The following TEX10 variants were observed in gnomAD, a reference collection of about 807,000 sequenced individuals.
The protein encoded by TEX10 is testis expressed 10.
Under a neutral mutation model 104.4 loss-of-function variants are expected in TEX10, and 24 were observed. The ratio of observed to expected loss-of-function variants is 0.23; its 90% CI spans 0.17 to 0.32. TEX10 has a LOEUF of 0.32. Ranked by LOEUF, TEX10 falls within the 10% of genes least tolerant of loss-of-function variation. TEX10 has a pLI of 1.00. For missense variants in TEX10, 921 were observed against 1,083.9 expected (o/e 0.85, Z 2.11); for synonymous variants, 396 against 393.4 (o/e 1.01, Z -0.08).
At chr9:100,352,629 G>A in intron 1 of TEX10, 143 bp downstream of exon 1, 2 of 1,463,252 alleles carry the variant, frequency 1.4e-6, no homozygotes, top group African/African-American at 1.4e-5. Flanking sequence ...CAGCTCGGAG[G>A]GACGCCGCGG....
At chr9:100,316,215 T>A (rs1834414771) in intron 11 of TEX10, among the ~76,000 whole-genome samples, 2 of 152,174 alleles carry the variant, frequency 1.3e-5, no homozygotes, top group African/African-American at 4.8e-5. Flanking sequence ...CAAGAATGGT[T>A]CAGTATACAC....
chr9:100,340,017 C>T (rs1173291967), intron 5 of TEX10, among the ~76,000 whole-genome samples: 2 of 152,020 alleles, frequency 1.3e-5, no homozygotes, highest in Non-Finnish European at 2.9e-5. Context: ...TTTACATAAG[C>T]TGATACATTC....
At chr9:100,302,344 A>C in intron 14 of TEX10, 40 bp from the exon 15 acceptor site, 1 of 1,411,530 alleles carries the variant, frequency 7.1e-7, no homozygotes, top group Non-Finnish European at 1.0e-6. Context: ...ACTGCACCCA[A>C]ATCACTATGC....
chr9:100,322,754 T>G (rs557293302), intron 9 of TEX10, among the ~76,000 whole-genome samples: 7 of 152,120 alleles, frequency 4.6e-5, no homozygotes, highest in African/African-American at 1.7e-4. Flanking sequence ...TAGCTGGGAT[T>G]ATAGACGTGC....
intron 4 of TEX10, 67 bp from the exon 5 acceptor site, chr9:100,340,436 G>A (rs1171551727): frequency 1.1e-6 from 1 of 923,038 alleles, no homozygotes. Context: ...AAAACTTGAA[G>A]AGAAATGACA....
chr9:100,348,127 G>A (rs558626314), intron 2 of TEX10, among the ~76,000 whole-genome samples: 1 of 152,186 alleles, frequency 6.6e-6, no homozygotes, highest in Non-Finnish European at 1.5e-5. Context: ...ATACAACCTG[G>A]AGGAACCTCC....
At chr9:100,344,781 G>A (rs1054889408) in intron 4 of TEX10, among the ~76,000 whole-genome samples, 2 of 152,212 alleles carry the variant, frequency 1.3e-5, no homozygotes, top group Admixed American at 6.5e-5. Context: ...AGGAGGTGGA[G>A]GTCTCAGTGA....
At position 100,329,210 on chromosome 9, in the gene TEX10, C is replaced by T; in HGVS notation, c.1555G>A (p.Val519Ile). The change falls in exon 7 of 15, where the codon GTT (valine) becomes ATT (isoleucine). Residue 519 changes from valine to isoleucine, a missense_variant. Transcript: ENST00000374902. ...AAAAACTTCAATAACAAAGTCCGAA[C>T]TGGAAGGATAAGGCCCCTCTGCTGA... The part of the protein sequence containing the change: ...LYQQRGLILP[V>I]RTLLLKFFSK... 6.2e-7 allele frequency: 1 copy of T among 1,613,036 alleles called. No individual in the cohort carries two copies. The highest frequency in any genetic ancestry group is 8.5e-7 in the Non-Finnish European group (1 of 1,179,670).
At chr9:100,346,544 T>C in intron 3 of TEX10, 150 bp downstream of exon 3, 1 of 976,652 alleles carries the variant, frequency 1.0e-6, no homozygotes, top group African/African-American at 1.6e-5. Context: ...TACAAATAAC[T>C]CTTCCCATCA....
chr9:100,346,597 A>C lies in TEX10; in HGVS notation c.893+97T>G, dbSNP rs1351422494. On this transcript the variant is annotated intron_variant, in intron 3 of 14. Coordinates refer to ENST00000374902, the MANE Select transcript of TEX10 (RefSeq NM_017746.4). ...ATGAGTAACTATATGAAAACTATGAAAGACAACTGCATGTCTTCCCACCAA... is the reference window on the plus strand; with the variant it reads ...ATGAGTAACTATATGAAAACTATGACAGACAACTGCATGTCTTCCCACCAA... 8 of 1,310,508 alleles carry C rather than the reference A, an allele frequency of 6.1e-6. No individual in the cohort carries two copies. In the East Asian group the frequency reaches 1.9e-4, roughly 30 times the overall value. 81.2% of individuals were successfully genotyped at this position (1,310,508 alleles called of 1,614,324 possible).
chr9:100,346,219 T>C lies in TEX10; in HGVS notation c.990A>G (p.Glu330=). ...FIEIIIPLLI[E]CWVEAVPPQL... is the part of the protein sequence containing the mutation. ...GTGGAGGTACAGCTTCAACCCAGCA[T>C]TCAATTAGCAATGGAATTATTATCT... The change falls in exon 4 of 15, where the codon GAA becomes GAG. Residue 330 remains glutamate, a synonymous_variant. Transcript: ENST00000374902. 1 of 1,614,022 alleles carries C rather than the reference T, an allele frequency of 6.2e-7. No homozygotes were observed. Among genetic ancestry groups the C allele is most frequent in the Non-Finnish European group, 8.5e-7 (1 of 1,179,948 alleles).
chr9:100,339,774 CTT>C (rs61514732), intron 5 of TEX10, among the ~76,000 whole-genome samples: 1 of 145,450 alleles, frequency 6.9e-6, no homozygotes, highest in Non-Finnish European at 1.5e-5. Context: ...TCTAGGCTTA[CTT>C]TTTTTTTTTT....
chr9:100,307,014 T>G (rs1834158690), intron 13 of TEX10: 1 of 152,230 alleles, frequency 6.6e-6, no homozygotes, highest in Non-Finnish European at 1.5e-5. Flanking sequence ...CCTTGCTACT[T>G]ATAAAGCCTT....
chr9:100,316,356 G>A (rs1271432720), intron 11 of TEX10, among the ~76,000 whole-genome samples: 1 of 151,916 alleles, frequency 6.6e-6, no homozygotes, highest in Non-Finnish European at 1.5e-5. Context: ...AACAAACTAG[G>A]CATAGAAGAA....
intron 5 of TEX10, among the ~76,000 whole-genome samples, chr9:100,335,734 CTTT>C (rs990826760): frequency 6.9e-6 from 1 of 144,960 alleles, no homozygotes. Context: ...AAAGCATGTC[CTTT>C]TTTTTTTTGA....
chr9:100,342,399 C>T (rs1209166752), intron 4 of TEX10, among the ~76,000 whole-genome samples: 1 of 152,158 alleles, frequency 6.6e-6, no homozygotes, highest in Admixed American at 6.5e-5. Flanking sequence ...CCATGTTTAT[C>T]TCTGTAGCCC....
intron 14 of TEX10, 36 bp downstream of exon 14, chr9:100,303,596 C>T (rs1165136300): frequency 6.2e-7 from 1 of 1,608,374 alleles, no homozygotes; most frequent in Non-Finnish European, 8.5e-7. Context: ...CATTCTTATG[C>T]TAATACTGCA....
chr9:100,334,306 T>C (rs991832095), intron 5 of TEX10, among the ~76,000 whole-genome samples: 4 of 151,382 alleles, frequency 2.6e-5, no homozygotes, highest in Non-Finnish European at 4.4e-5. Flanking sequence ...CAGTTAAGAC[T>C]CATAGCTGAC....
rs749868518 is a variant in TEX10 at position 100,308,654 on chromosome 9, T to C, written c.2311A>G (p.Thr771Ala). 9 of 1,607,644 alleles carry C rather than the reference T, an allele frequency of 5.6e-6. No individual in the cohort carries two copies. In the Admixed American group the frequency reaches 1.4e-4, roughly 24 times the overall value. Residue 771 changes from threonine (T) to alanine (A), a missense_variant, in exon 13 of 15, where the codon ACG (threonine) becomes GCG (alanine). Physicochemically the swap from Thr to Ala is moderately conservative, Grantham distance 58. This residue lies in a region of TEX10 where 753 missense variants were observed against 868.4 expected (regional missense o/e 0.87). Transcript: ENST00000374902. The part of the protein sequence containing the change: ...LVGLTVIPDS[T>A]AGCVFGVICK... Reference sequence around the variant, plus strand: ...ATAACACCAAAAACACAGCCAGCCGTGCTGTCAGGAATTACAGTCAACCCA... The same window carrying C: ...ATAACACCAAAAACACAGCCAGCCGCGCTGTCAGGAATTACAGTCAACCCA...
Sources: allele counts gnomAD v4.1 joint callset (sites outside exome capture counted in the v4.1 genomes callset), GRCh38; gene constraint gnomAD v4.1.1; regional missense constraint gnomAD v4.1.1; transcripts MANE v1.5; gene names NCBI Gene and HGNC (gene_info 2026-07-23, HGNC 2026-07-21).